The following RPUSD3 variants were observed in gnomAD, a reference collection of about 807,000 sequenced individuals.
RPUSD3 encodes the protein RNA pseudouridine synthase D3, also known as mitochondrial mRNA pseudouridine synthase RPUSD3.
In RPUSD3, 36 loss-of-function variants were observed where a neutral mutation model predicts 35.1. That is an observed-to-expected ratio of 1.02 (90% CI 0.79 to 1.35). The LOEUF is 1.35. Among genes scored for constraint, RPUSD3 ranks in the 40% most tolerant of loss-of-function variants. The probability of loss-of-function intolerance (pLI) is 0.00; values close to 1 mark genes in which losing one functional copy is unlikely to be tolerated. For missense variants in RPUSD3, 486 were observed against 441.9 expected (o/e 1.10, Z -0.89); for synonymous variants, 202 against 187.8 (o/e 1.08, Z -0.62).
At chr3:9,842,393 C>A in intron 2 of RPUSD3, 150 bp from the exon 3 acceptor site, 1 of 768,426 alleles carries the variant, frequency 1.3e-6, no homozygotes, top group African/African-American at 1.7e-5. Context: ...CCAAATTCAA[C>A]TTCTTTCTGT....
intron 7 of RPUSD3, chr3:9,839,919 C>A: frequency 3.3e-6 from 1 of 306,950 alleles, no homozygotes; most frequent in Non-Finnish European, 6.0e-6. Flanking sequence ...TCTCCTCTAT[C>A]ACCTAGACTG....
chr3:9,843,292 A>G (rs1377519003), intron 2 of RPUSD3, 173 bp downstream of exon 2: 1 of 835,022 alleles, frequency 1.2e-6, no homozygotes, highest in African/African-American at 1.7e-5. Context: ...CTACTGCATC[A>G]TGGCAGTAGG....
chr3:9,840,583 C>T, exon 6 of RPUSD3: 1 of 1,614,088 alleles, frequency 6.2e-7, no homozygotes, highest in Non-Finnish European at 8.5e-7. Context: ...GGATCTTCCC[C>T]TCAGAAGCAG....
At chr3:9,840,439 G>T (rs17253355) in intron 6 of RPUSD3, 93 bp downstream of exon 6, 12 of 1,598,722 alleles carry the variant, frequency 7.5e-6, no homozygotes, top group Middle Eastern at 3.3e-4. Flanking sequence ...TAGGGGACAG[G>T]AGAGCCAGCC....
chr3:9,840,627 G>C lies in RPUSD3; in HGVS notation c.516-11C>G, dbSNP rs370598358. On this transcript the variant is annotated splice_polypyrimidine_tract_variant and intron_variant, in intron 5 of 8. Transcript: ENST00000383820. Reference sequence around the variant, plus strand: ...CCATCAGTGACAGCACTGAGAAAGGGGCAGGAGGAGGTCACAGGGTGGCTT... The same window carrying C: ...CCATCAGTGACAGCACTGAGAAAGGCGCAGGAGGAGGTCACAGGGTGGCTT... 3.1e-5 allele frequency: 50 copies of C among 1,613,162 alleles called. No individual in the cohort carries two copies. Among genetic ancestry groups the C allele is most frequent in the Non-Finnish European group, 4.1e-5 (48 of 1,179,568 alleles).
chr3:9,841,041 AT>A (rs1379686881), intron 4 of RPUSD3: 2 of 342,986 alleles, frequency 5.8e-6, no homozygotes, highest in Non-Finnish European at 1.1e-5. Context: ...TGTCGTAACG[AT>A]TGTCTACCAT....
At chr3:9,843,314 G>A (rs1451286760) in intron 2 of RPUSD3, 151 bp downstream of exon 2, 2 of 1,065,626 alleles carry the variant, frequency 1.9e-6, no homozygotes, top group Non-Finnish European at 2.7e-6. Flanking sequence ...TTAAAAGCGG[G>A]GAGAGGGTGC....
At chr3:9,841,765 A>G in intron 4 of RPUSD3, 2 of 462,730 alleles carry the variant, frequency 4.3e-6, no homozygotes, top group Admixed American at 3.8e-5. Flanking sequence ...CACTGTGCCC[A>G]GCGTCAGGGA....
intron 4 of RPUSD3, chr3:9,841,304 G>A (rs868604904): frequency 1.9e-5 from 3 of 153,956 alleles, no homozygotes; most frequent in South Asian, 2.0e-4. Context: ...GAAGCTCAGG[G>A]AGGGTATTTG....
intron 2 of RPUSD3, chr3:9,842,794 T>G (rs893854171): frequency 6.4e-6 from 1 of 156,744 alleles, no homozygotes; most frequent in Non-Finnish European, 1.4e-5. Context: ...TCAGAGAAAT[T>G]CAGTTATTTT....
exon 7 of RPUSD3, chr3:9,840,206 C>G: frequency 1.2e-6 from 2 of 1,613,558 alleles, no homozygotes; most frequent in African/African-American, 1.3e-5. Flanking sequence ...GCAGCTGGAC[C>G]AGGGCACAGC....
At chr3:9,839,266 C>T (rs898809887) in intron 7 of RPUSD3, 95 bp from the exon 8 acceptor site, 2 of 1,426,002 alleles carry the variant, frequency 1.4e-6, no homozygotes, top group African/African-American at 1.4e-5. Context: ...GAAACACCAC[C>T]CCCTTTCTCA....
intron 6 of RPUSD3, 85 bp downstream of exon 6, chr3:9,840,447 G>A (rs1461844522): frequency 1.3e-6 from 2 of 1,595,316 alleles, no homozygotes; most frequent in African/African-American, 2.7e-5. Flanking sequence ...AGGAGAGCCA[G>A]CCATCCCAAA....
chr3:9,839,393 G>T, intron 7 of RPUSD3: 1 of 476,290 alleles, frequency 2.1e-6, no homozygotes, highest in Non-Finnish European at 3.7e-6. Context: ...CTCATGATGA[G>T]ATGCAACCCT....
chr3:9,843,980 C>A (rs1282874905), exon 1 of RPUSD3: 2 of 1,602,218 alleles, frequency 1.2e-6, no homozygotes, highest in Non-Finnish European at 1.7e-6. Context: ...CAAAACACGG[C>A]GGCCGTCCAT....
chr3:9,838,954 G>GAT, intron 8 of RPUSD3, 78 bp downstream of exon 8: 1 of 1,602,542 alleles, frequency 6.2e-7, no homozygotes, highest in Non-Finnish European at 8.5e-7. Context: ...AAGCTGCACA[G>GAT]ATAAGGTCTG....
chr3:9,838,996 C>A, intron 8 of RPUSD3, 36 bp downstream of exon 8: 1 of 1,613,722 alleles, frequency 6.2e-7, no homozygotes, highest in Non-Finnish European at 8.5e-7. Context: ...TCTCCCTCCA[C>A]CCCTCAGAAA....
chr3:9,839,226 C>G (rs1425191614), intron 7 of RPUSD3, 55 bp from the exon 8 acceptor site: 3 of 1,566,974 alleles, frequency 1.9e-6, no homozygotes, highest in African/African-American at 1.4e-5. Context: ...TCTGTGCCAC[C>G]CAGTATCACT....
intron 2 of RPUSD3, 135 bp downstream of exon 2, chr3:9,843,330 A>T: frequency 7.8e-7 from 1 of 1,285,826 alleles, no homozygotes; most frequent in Non-Finnish European, 1.1e-6. Flanking sequence ...GGTGCAAATT[A>T]GGTGGCTTGT....
Sources: gnomAD v4.1 joint callset for allele counts on GRCh38, gnomAD v4.1.1 for gene constraint, MANE v1.5 for transcripts, NCBI Gene and HGNC (gene_info 2026-07-23, HGNC 2026-07-21) for gene names.